CMSS1: variants seen among roughly 807,000 people sequenced by gnomAD.
CMSS1 encodes cms1 ribosomal small subunit homolog.
In CMSS1, 33 loss-of-function variants were observed where a neutral mutation model predicts 43.5. The ratio of observed to expected loss-of-function variants is 0.76; its 90% confidence interval spans 0.57 to 1.01. The LOEUF is 1.01. Ranked by LOEUF, CMSS1 falls within the 50% of genes least tolerant of loss-of-function variation. The pLI, the probability that CMSS1 is intolerant of heterozygous loss-of-function variation, is 0.00. For synonymous variants in CMSS1, 115 were observed against 117.2 expected (o/e 0.98, Z 0.12); for missense variants, 313 against 326.4 (o/e 0.96, Z 0.32).
intron 1 of CMSS1, among the ~76,000 whole-genome samples, chr3:99,881,482 C>G (rs1044157429): frequency 2.6e-5 from 4 of 152,050 alleles, no homozygotes; most frequent in African/African-American, 7.2e-5. Context: ...GTGCTTTGTT[C>G]AGTCCATTTT....
chr3:99,907,626 G>A (rs909334905), intron 1 of CMSS1, among the ~76,000 whole-genome samples: 16 of 152,106 alleles, frequency 1.1e-4, no homozygotes, highest in African/African-American at 3.9e-4. Context: ...TTCACATTAT[G>A]TGTACTTAAG....
intron 1 of CMSS1, among the ~76,000 whole-genome samples, chr3:100,016,552 T>A (rs1710346054): frequency 6.6e-6 from 1 of 152,180 alleles, no homozygotes; most frequent in Admixed American, 6.5e-5. Flanking sequence ...TGAGGGTGCC[T>A]TGCTGAAACT....
At chr3:99,852,009 T>C (rs1943721574) in intron 1 of CMSS1, among the ~76,000 whole-genome samples, 1 of 152,346 alleles carries the variant, frequency 6.6e-6, no homozygotes, top group South Asian at 2.1e-4. Flanking sequence ...AGGAACATAA[T>C]AATTCCCTCT....
intron 1 of CMSS1, among the ~76,000 whole-genome samples, chr3:100,014,869 C>CTTT (rs1559725848): frequency 5.4e-5 from 1 of 18,528 alleles, no homozygotes; most frequent in Admixed American, 4.8e-4. Flanking sequence ...TTGTCTTTTT[C>CTTT]TTTTCTTTTT....
rs747142590 is a variant in CMSS1 at position 100,162,270 on chromosome 3, GTCGT to G, written c.226-32_226-29del. On this transcript the variant is annotated intron_variant, in intron 3 of 9. Coordinates refer to ENST00000421999, the MANE Select transcript of CMSS1 (RefSeq NM_032359.4). ...CCAACCAAATGCCATTTTAAAATAT[GTCGT>G]CCCATTTTTCTTCTTTCTCATATCT... The G allele has an allele frequency of 1.6e-5, 25 of 1,595,756 alleles. No homozygotes were observed. In the African/African-American group the frequency reaches 3.1e-4, roughly 20 times the overall value.
At chr3:100,020,830 C>T (rs1326361299) in intron 1 of CMSS1, among the ~76,000 whole-genome samples, 2 of 131,196 alleles carry the variant, frequency 1.5e-5, no homozygotes, top group Admixed American at 9.0e-5. Flanking sequence ...TACAGTGGCA[C>T]GATCTCAGCT....
chr3:100,132,441 T>G (rs2066716267), intron 1 of CMSS1, among the ~76,000 whole-genome samples: 1 of 152,068 alleles, frequency 6.6e-6, no homozygotes, highest in African/African-American at 2.4e-5. Context: ...AGATTAACCT[T>G]AAAATTAATA....
chr3:100,092,925 A>C (rs2066138044), intron 1 of CMSS1, among the ~76,000 whole-genome samples: 1 of 151,954 alleles, frequency 6.6e-6, no homozygotes, highest in Non-Finnish European at 1.5e-5. Context: ...TTAGCTATCT[A>C]TAAATATGAC....
At chr3:99,936,673 C>T (rs911769244) in intron 1 of CMSS1, among the ~76,000 whole-genome samples, 2 of 149,360 alleles carry the variant, frequency 1.3e-5, no homozygotes, top group African/African-American at 5.0e-5. Flanking sequence ...GCGCCCAGCC[C>T]GCTTGAAGCC....
chr3:99,939,695 A>C (rs1051744166), intron 1 of CMSS1, among the ~76,000 whole-genome samples: 30 of 152,274 alleles, frequency 2.0e-4, no homozygotes, highest in Admixed American at 4.6e-4. Context: ...TTTAATGAAA[A>C]CTTCTTCCAG....
intron 1 of CMSS1, among the ~76,000 whole-genome samples, chr3:99,973,600 T>C (rs938466490): frequency 1.5e-4 from 23 of 152,224 alleles, no homozygotes; most frequent in African/African-American, 4.8e-4. Flanking sequence ...TCAGATCTTA[T>C]AGAATTTATA....
chr3:100,125,708 C>T (rs1028435012), intron 1 of CMSS1, among the ~76,000 whole-genome samples: 8 of 152,190 alleles, frequency 5.3e-5, no homozygotes, highest in Non-Finnish European at 1.0e-4. Context: ...GCCCCAGACT[C>T]TTCCTGTGGA....
Position 100,146,358 on chromosome 3 carries a change from T to C in CMSS1, c.65-615T>C, listed in dbSNP as rs79202570. ...TTTGTCACAATCTCTCAACATTTCCTCCTGGGGCCAGCATCTGATGTCAAG... is the reference window on the plus strand; with the variant it reads ...TTTGTCACAATCTCTCAACATTTCCCCCTGGGGCCAGCATCTGATGTCAAG... On this transcript the variant is annotated intron_variant, in intron 1 of 9. Coordinates refer to ENST00000421999, the MANE Select transcript of CMSS1 (RefSeq NM_032359.4). 4.6e-3 allele frequency among the ~76,000 whole-genome samples: 702 copies of C among 152,328 alleles called. 4 individuals carry two copies. The highest frequency in any genetic ancestry group is 7.1e-3 in the Non-Finnish European group (480 of 68,030).
intron 1 of CMSS1, among the ~76,000 whole-genome samples, chr3:99,903,400 T>C (rs567512221): frequency 1.4e-4 from 21 of 151,874 alleles, no homozygotes; most frequent in African/African-American, 1.9e-4. Flanking sequence ...TACAGGCGCC[T>C]GCCACCACAC....
intron 1 of CMSS1, among the ~76,000 whole-genome samples, chr3:99,892,312 T>C (rs1173835039): frequency 6.6e-6 from 1 of 152,208 alleles, no homozygotes; most frequent in Admixed American, 6.5e-5. Flanking sequence ...TTTAAACTAT[T>C]GACCTTCACT....
At chr3:100,164,538 G>C (rs749114552) in intron 4 of CMSS1, among the ~76,000 whole-genome samples, 20 of 152,266 alleles carry the variant, frequency 1.3e-4, no homozygotes, top group Middle Eastern at 6.8e-3. Context: ...AGGAAAATAT[G>C]TTTGAAATAA....
chr3:99,941,612 G>T (rs1043466332), intron 1 of CMSS1, among the ~76,000 whole-genome samples: 1 of 152,138 alleles, frequency 6.6e-6, no homozygotes, highest in African/African-American at 2.4e-5. Flanking sequence ...TATAATAAGG[G>T]AGATGAAACA....
chr3:99,914,218 C>G (rs888020279), intron 1 of CMSS1, among the ~76,000 whole-genome samples: 2 of 152,126 alleles, frequency 1.3e-5, no homozygotes, highest in Non-Finnish European at 2.9e-5. Context: ...TGGATTTGGA[C>G]TCTAAGACTT....
chr3:99,952,830 T>A (rs1708215775), intron 1 of CMSS1, among the ~76,000 whole-genome samples: 1 of 152,178 alleles, frequency 6.6e-6, no homozygotes, highest in Non-Finnish European at 1.5e-5. Context: ...TTTGAATTAG[T>A]TAAGGATAAT....
Sources: allele counts gnomAD v4.1 joint callset (sites outside exome capture counted in the v4.1 genomes callset), GRCh38; gene constraint gnomAD v4.1.1; transcripts MANE v1.5; gene names NCBI Gene and HGNC (gene_info 2026-07-23, HGNC 2026-07-21).